The following PEX5L variants were observed in gnomAD, a reference collection of about 807,000 sequenced individuals.
PEX5L encodes the protein peroxisomal biogenesis factor 5 like.
Under a neutral mutation model 84.0 loss-of-function variants are expected in PEX5L, and 30 were observed. The observed-to-expected ratio is 0.36, with a 90% CI of 0.27 to 0.48. The LOEUF is 0.48. Among genes scored for constraint, PEX5L ranks in the 20% least tolerant of loss-of-function variants. The pLI, the probability that PEX5L is intolerant of heterozygous loss-of-function variation, is 0.99. For missense variants in PEX5L, 533 were observed against 754.6 expected (o/e 0.71, Z 3.44); for synonymous variants, 270 against 283.1 (o/e 0.95, Z 0.46).
chr3:179,961,814 G>C (rs965730934), intron 2 of PEX5L, among the ~76,000 whole-genome samples: 5 of 152,260 alleles, frequency 3.3e-5, no homozygotes, highest in Admixed American at 6.5e-5. Context: ...TCACCTGCAT[G>C]GTTCATTAGA....
chr3:180,002,318 G>T (rs1389069720), intron 1 of PEX5L, among the ~76,000 whole-genome samples: 5 of 152,094 alleles, frequency 3.3e-5, no homozygotes, highest in African/African-American at 1.2e-4. Flanking sequence ...ATGTTGCCAG[G>T]TTACAAGCTT....
chr3:179,971,224 A>G (rs540763538), intron 2 of PEX5L, among the ~76,000 whole-genome samples: 1 of 151,660 alleles, frequency 6.6e-6, no homozygotes, highest in African/African-American at 2.4e-5. Context: ...ATTGTTTTAC[A>G]AGATAGAATA....
chr3:180,031,633 A>G (rs1791477711), intron 1 of PEX5L, among the ~76,000 whole-genome samples: 1 of 152,234 alleles, frequency 6.6e-6, no homozygotes, highest in South Asian at 2.1e-4. Flanking sequence ...TTAGCGTTAG[A>G]ATTGCACACT....
intron 9 of PEX5L, among the ~76,000 whole-genome samples, chr3:179,818,696 A>G (rs1401335204): frequency 6.6e-6 from 1 of 152,072 alleles, no homozygotes; most frequent in Non-Finnish European, 1.5e-5. Flanking sequence ...ACAAGTGAGA[A>G]CATATGAAGT....
At position 179,800,169 on chromosome 3, in the gene PEX5L, A is replaced by G. The variant is rs1442508243; in HGVS notation, c.*1659T>C. On this transcript the variant is annotated 3_prime_UTR_variant, in exon 15 of 15. Coordinates refer to ENST00000467460, the MANE Select transcript of PEX5L (RefSeq NM_016559.3). Reference sequence around the variant, plus strand: ...ATTTTATTCCTGTACCTCGCATTCAATTGATAAGCACGTGTGCACATTTAC... The same window carrying G: ...ATTTTATTCCTGTACCTCGCATTCAGTTGATAAGCACGTGTGCACATTTAC... The G allele has an allele frequency of 2.0e-5, 3 of 152,210 alleles. No homozygotes were observed. The highest frequency in any genetic ancestry group is 2.1e-4 in the South Asian group (1 of 4,836). The allele number at this position is 152,210 out of a possible 1,614,324, so 9.4% of individuals were successfully genotyped here. A position where few individuals can be genotyped will look rare whatever the true frequency, so the allele number is the denominator to read the frequency against.
intron 2 of PEX5L, among the ~76,000 whole-genome samples, chr3:179,914,384 T>C (rs1447942890): frequency 6.6e-6 from 1 of 152,212 alleles, no homozygotes; most frequent in African/African-American, 2.4e-5. Context: ...GCAGAGGCTG[T>C]TTCCTTCACT....
At chr3:180,030,432 A>G (rs1182587212) in intron 1 of PEX5L, among the ~76,000 whole-genome samples, 1 of 152,194 alleles carries the variant, frequency 6.6e-6, no homozygotes. Flanking sequence ...ACTTAACACC[A>G]GTTTTAACCC....
rs761177594 is a variant in PEX5L at position 179,795,322 on chromosome 3, C to T, written c.*6506G>A. On this transcript the variant is annotated 3_prime_UTR_variant, in exon 15 of 15. Transcript: ENST00000467460. ...ATTTAATAATGTGAAAAAGGGAAGG[C>T]ATGCTTCCAATAATAGTACAAAAAT... The T allele has an allele frequency of 6.6e-6, 1 of 152,174 alleles. No individual in the cohort carries two copies. The highest frequency in any genetic ancestry group is 1.5e-5 in the Non-Finnish European group (1 of 68,030). The allele number at this position is 152,174 out of a possible 1,614,324, so 9.4% of individuals were successfully genotyped here.
intron 7 of PEX5L, among the ~76,000 whole-genome samples, chr3:179,861,227 A>G (rs997044290): frequency 2.6e-5 from 4 of 152,230 alleles, no homozygotes; most frequent in African/African-American, 7.2e-5. Context: ...TACGCTGTCA[A>G]TGAATAGATG....
intron 8 of PEX5L, among the ~76,000 whole-genome samples, chr3:179,836,694 A>G (rs1399912282): frequency 1.3e-5 from 2 of 152,134 alleles, no homozygotes; most frequent in Non-Finnish European, 2.9e-5. Context: ...ACAAATAAAA[A>G]CCAATTAGAT....
At chr3:179,983,564 A>G (rs1456335157) in intron 1 of PEX5L, among the ~76,000 whole-genome samples, 2 of 152,038 alleles carry the variant, frequency 1.3e-5, no homozygotes, top group Non-Finnish European at 2.9e-5. Flanking sequence ...ATGAATCAAG[A>G]TACTGGCACC....
At chr3:179,859,650 C>T (rs1295995320) in intron 7 of PEX5L, among the ~76,000 whole-genome samples, 2 of 152,180 alleles carry the variant, frequency 1.3e-5, no homozygotes, top group Non-Finnish European at 2.9e-5. Flanking sequence ...CACAGCAGAT[C>T]CTCATGCATA....
chr3:179,995,008 GTAGT>G lies in PEX5L; in HGVS notation c.22-23347_22-23344del, dbSNP rs1399666514. Reference sequence around the variant, plus strand: ...TTAATAAACTCCCATCTATATATATGTAGTTAGTGTGAGTTAATACTTAATAAAC... The same window carrying G: ...TTAATAAACTCCCATCTATATATATGTAGTGTGAGTTAATACTTAATAAAC... On this transcript the variant is annotated intron_variant, in intron 1 of 14. Transcript: ENST00000467460. 6.7e-5 allele frequency among the ~76,000 whole-genome samples: 10 copies of G among 150,332 alleles called. 1 individual carries two copies. Among genetic ancestry groups the G allele is most frequent in the Middle Eastern group, 6.4e-3 (2 of 314 alleles).
Position 179,874,352 on chromosome 3 carries a change from T to C in PEX5L, c.701A>G (p.Glu234Gly). Residue 234 changes from glutamate to glycine, a missense_variant, in exon 7 of 15, where the codon GAA becomes GGA. By Grantham distance (98) the Glu-to-Gly change is moderately conservative (BLOSUM62 -2). Coordinates refer to ENST00000467460, the MANE Select transcript of PEX5L (RefSeq NM_016559.3). ...KSALNSESAS[E>G]LELVAPTQAR... ...CTGAGTCGGAGCCACTAATTCCAAT[T>C]CTGAAGCCGACTCAGAGTTGAGGGC... 1 of 1,611,818 alleles carries C rather than the reference T, an allele frequency of 6.2e-7. No individual in the cohort carries two copies. Among genetic ancestry groups the C allele is most frequent in the Non-Finnish European group, 8.5e-7 (1 of 1,178,254 alleles).
chr3:179,811,404 C>T (rs1000802586), intron 11 of PEX5L, among the ~76,000 whole-genome samples: 2 of 152,128 alleles, frequency 1.3e-5, no homozygotes, highest in Non-Finnish European at 2.9e-5. Flanking sequence ...ATTACACACA[C>T]CCACTGTTCC....
chr3:179,834,504 G>A (rs1734260622), intron 8 of PEX5L, among the ~76,000 whole-genome samples: 3 of 152,224 alleles, frequency 2.0e-5, no homozygotes, highest in African/African-American at 4.8e-5. Flanking sequence ...CTCCTTTGCT[G>A]CCTCTCACTG....
chr3:180,009,146 AAT>A (rs1789193894), intron 1 of PEX5L, among the ~76,000 whole-genome samples: 1 of 152,150 alleles, frequency 6.6e-6, no homozygotes, highest in African/African-American at 2.4e-5. Context: ...TCTTCTTCCT[AAT>A]ATTCTTGGTT....
At chr3:180,014,703 T>C (rs1789789464) in intron 1 of PEX5L, among the ~76,000 whole-genome samples, 1 of 152,196 alleles carries the variant, frequency 6.6e-6, no homozygotes, top group Admixed American at 6.5e-5. Context: ...AAAAAGTGTG[T>C]GTTCTATTTT....
chr3:179,880,014 C>G lies in PEX5L; in HGVS notation c.420G>C (p.Lys140Asn), dbSNP rs1306238746. The change falls in exon 5 of 15, where the codon AAG (lysine) becomes AAC (asparagine). Residue 140 changes from lysine to asparagine, a missense_variant. By Grantham distance (94) the Lys-to-Asn change is moderately conservative. This residue lies in a region of PEX5L where 259 missense variants were observed against 301.7 expected (regional missense o/e 0.86). Transcript: ENST00000467460. ...TGCTGATGAGGTCAGATCCATCGGCCTTTTTCTTGAGGGATGAGGTTTTTG... is the reference window on the plus strand; with the variant it reads ...TGCTGATGAGGTCAGATCCATCGGCGTTTTTCTTGAGGGATGAGGTTTTTG... ...PSSKTSSLKK[K>N]ADGSDLISTD... 1 of 1,613,876 alleles carries G rather than the reference C, an allele frequency of 6.2e-7. No individual in the cohort carries two copies. Among genetic ancestry groups the G allele is most frequent in the Non-Finnish European group, 8.5e-7 (1 of 1,179,938 alleles).
Sources: gnomAD v4.1 joint callset for allele counts (sites outside exome capture counted in the v4.1 genomes callset) on GRCh38, gnomAD v4.1.1 for gene constraint, gnomAD v4.1.1 regional missense constraint, MANE v1.5 for transcripts, NCBI Gene and HGNC (gene_info 2026-07-23, HGNC 2026-07-21) for gene names.